CNTNAP2: variants seen among roughly 807,000 people sequenced by gnomAD.
CNTNAP2 encodes contactin associated protein 2.
A neutral mutation model predicts 155.2 loss-of-function variants in CNTNAP2; 98 were observed. The ratio of observed to expected loss-of-function variants is 0.63; its 90% CI spans 0.54 to 0.75. CNTNAP2 has a LOEUF of 0.75. Ranked by LOEUF, CNTNAP2 falls within the 30% of genes least tolerant of loss-of-function variation. CNTNAP2 has a pLI of 0.00. For synonymous variants in CNTNAP2, 651 were observed against 631.2 expected (o/e 1.03, Z -0.47); for missense variants, 1,727 against 1,688.1 (o/e 1.02, Z -0.40).
chr7:148,147,152 A>T (rs991367527), intron 16 of CNTNAP2, among the ~76,000 whole-genome samples: 6 of 152,166 alleles, frequency 3.9e-5, no homozygotes, highest in African/African-American at 1.2e-4. Context: ...GACTCCACTA[A>T]CTTACTGAAT....
chr7:147,186,020 C>A (rs1371506067), intron 8 of CNTNAP2, among the ~76,000 whole-genome samples: 1 of 152,168 alleles, frequency 6.6e-6, no homozygotes, highest in African/African-American at 2.4e-5. Context: ...AAACTCTTTC[C>A]TTTATAAATC....
rs887441466 is a variant in CNTNAP2 at position 146,231,795 on chromosome 7, C to T, written c.97+114822C>T. ...CGTGGCACCTATCGCAGCCATTTATCCTGGAAGAATTCCCTGGAAAGGAAC... is the reference window on the plus strand; with the variant it reads ...CGTGGCACCTATCGCAGCCATTTATTCTGGAAGAATTCCCTGGAAAGGAAC... On this transcript the variant is annotated intron_variant, in intron 1 of 23. Transcript: ENST00000361727. 7.2e-5 allele frequency among the ~76,000 whole-genome samples: 11 copies of T among 152,260 alleles called. No homozygotes were observed. The South Asian group carries it at 8.3e-4, about 11-fold the overall frequency.
chr7:146,545,405 A>C (rs1563128612), intron 1 of CNTNAP2, among the ~76,000 whole-genome samples: 1 of 151,770 alleles, frequency 6.6e-6, no homozygotes. Flanking sequence ...GGTTTGTTAC[A>C]TAGGTATACA....
In CNTNAP2 at chr7:146,812,447, T is replaced by A. The variant is rs540530313; in HGVS notation, c.209-27264T>A. Among the ~76,000 whole-genome samples the A allele has an allele frequency of 3.7e-3, 530 of 145,014 alleles. 1 individual carries two copies. Among genetic ancestry groups the A allele is most frequent in the South Asian group, 8.8e-3 (41 of 4,664 alleles). On this transcript the variant is annotated intron_variant, in intron 2 of 23. Transcript: ENST00000361727. Reference sequence around the variant, plus strand: ...TTTATATGTATATATATATAAAAAATATATATATATATATATTTATACTTT... The same window carrying A: ...TTTATATGTATATATATATAAAAAAAATATATATATATATATTTATACTTT...
chr7:146,728,615 A>G (rs529736665), intron 1 of CNTNAP2, among the ~76,000 whole-genome samples: 50 of 148,898 alleles, frequency 3.4e-4, no homozygotes, highest in African/African-American at 1.2e-3. Context: ...AGGCTGCAAA[A>G]AAAAAAAAAA....
intron 13 of CNTNAP2, among the ~76,000 whole-genome samples, chr7:147,856,318 A>G (rs1037783527): frequency 6.6e-6 from 1 of 152,294 alleles, no homozygotes. Flanking sequence ...ACTTGAAGAA[A>G]AGAAATTGGC....
chr7:147,665,751 T>A (rs1321878562), intron 13 of CNTNAP2, among the ~76,000 whole-genome samples: 1 of 152,238 alleles, frequency 6.6e-6, no homozygotes, highest in African/African-American at 2.4e-5. Context: ...GTTAGTTTGC[T>A]AAGAATAATG....
chr7:147,193,967 T>TA (rs1310122310), intron 8 of CNTNAP2, among the ~76,000 whole-genome samples: 1 of 150,446 alleles, frequency 6.6e-6, no homozygotes, highest in African/African-American at 2.4e-5. Flanking sequence ...TTTTTTCTTC[T>TA]AAAAAAAAGT....
chr7:148,317,793 C>T lies in CNTNAP2; in HGVS notation c.3475+50667C>T, dbSNP rs548651784. 1.3e-4 allele frequency among the ~76,000 whole-genome samples: 19 copies of T among 151,978 alleles called. No homozygotes were observed. The South Asian group carries it at 3.7e-3, about 30-fold the overall frequency. On this transcript the variant is annotated intron_variant, in intron 21 of 23. Coordinates refer to ENST00000361727, the MANE Select transcript of CNTNAP2 (RefSeq NM_014141.6). ...TCGGCTCACTGCAAGCTCCGCCTCC[C>T]GGGTTCATGCCATTGTCCTGCCTCA...
At chr7:146,187,273 G>A (rs1247007476) in intron 1 of CNTNAP2, among the ~76,000 whole-genome samples, 1 of 152,114 alleles carries the variant, frequency 6.6e-6, no homozygotes, top group Admixed American at 6.5e-5. Flanking sequence ...GACATCTTCT[G>A]CTCTAACAGA....
intron 21 of CNTNAP2, among the ~76,000 whole-genome samples, chr7:148,287,976 G>C (rs1797113945): frequency 6.6e-6 from 1 of 151,442 alleles, no homozygotes; most frequent in Admixed American, 6.6e-5. Context: ...ATTTTTACTA[G>C]AGATGGGGTT....
chr7:148,339,257 GAA>G (rs11454206), intron 21 of CNTNAP2, among the ~76,000 whole-genome samples: 1 of 140,938 alleles, frequency 7.1e-6, no homozygotes. Context: ...CCCAAACATC[GAA>G]AAAAAAAAAA....
intron 7 of CNTNAP2, 59 bp from the exon 8 acceptor site, chr7:147,132,186 T>A: frequency 6.2e-7 from 1 of 1,602,914 alleles, no homozygotes; most frequent in Non-Finnish European, 8.5e-7. Context: ...ATCAGTGGTC[T>A]GACATGGATG....
chr7:146,926,565 G>A (rs1000428408), intron 3 of CNTNAP2, among the ~76,000 whole-genome samples: 1 of 151,990 alleles, frequency 6.6e-6, no homozygotes, highest in Non-Finnish European at 1.5e-5. Flanking sequence ...TCTTGAACGG[G>A]CCTCCTTCCA....
intron 9 of CNTNAP2, among the ~76,000 whole-genome samples, chr7:147,321,331 A>G (rs1230830460): frequency 6.6e-6 from 1 of 152,210 alleles, no homozygotes; most frequent in Non-Finnish European, 1.5e-5. Flanking sequence ...GTTATGAAAG[A>G]CATCCTGGGG....
At chr7:148,189,208 A>G (rs1294479689) in intron 18 of CNTNAP2, among the ~76,000 whole-genome samples, 1 of 152,204 alleles carries the variant, frequency 6.6e-6, no homozygotes, top group Non-Finnish European at 1.5e-5. Flanking sequence ...TATGAAGATA[A>G]TAAGCTAAAA....
chr7:147,708,205 C>T (rs1474300301), intron 13 of CNTNAP2, among the ~76,000 whole-genome samples: 1 of 152,156 alleles, frequency 6.6e-6, no homozygotes, highest in Non-Finnish European at 1.5e-5. Context: ...TTTCTTCAAG[C>T]TTGACCCTGG....
rs1018294903 is a variant in CNTNAP2 at position 146,465,053 on chromosome 7, C to T, written c.98-309218C>T. ...TTTGTTCAGTTAGATTGGAGCTTTT[C>T]AGAAAGATAGTCAGAAGCCCTGCCC... On this transcript the variant is annotated intron_variant, in intron 1 of 23. Transcript: ENST00000361727. Among the ~76,000 whole-genome samples the T allele has an allele frequency of 2.6e-5, 4 of 152,002 alleles. No individual in the cohort carries two copies. In the South Asian group the frequency reaches 8.3e-4, roughly 32 times the overall value.
chr7:146,415,116 C>T (rs746784422), intron 1 of CNTNAP2, among the ~76,000 whole-genome samples: 3 of 152,050 alleles, frequency 2.0e-5, no homozygotes, highest in Non-Finnish European at 4.4e-5. Flanking sequence ...CTGGAAAAAT[C>T]ACAATTGACA....
Sources: gnomAD v4.1 joint callset for allele counts (sites outside exome capture counted in the v4.1 genomes callset) on GRCh38, gnomAD v4.1.1 for gene constraint, MANE v1.5 for transcripts, NCBI Gene and HGNC (gene_info 2026-07-23, HGNC 2026-07-21) for gene names.